The following SYNRG variants were observed in gnomAD, a reference collection of about 807,000 sequenced individuals.
SYNRG encodes the protein AP1 gamma subunit binding protein 1.
In SYNRG, 37 loss-of-function variants were observed where a neutral mutation model predicts 130.9. That is an observed-to-expected ratio of 0.28 (90% CI 0.22 to 0.37). The LOEUF is 0.37. Ranked by LOEUF, SYNRG falls within the 10% of genes least tolerant of loss-of-function variation. The probability of loss-of-function intolerance (pLI) is 1.00; values close to 1 mark genes in which losing one functional copy is unlikely to be tolerated. For synonymous variants in SYNRG, 539 were observed against 568.1 expected (o/e 0.95, Z 0.73); for missense variants, 1,338 against 1,588.9 (o/e 0.84, Z 2.68).
At chr17:37,554,780 A>G (rs1277484035) in intron 13 of SYNRG, among the ~76,000 whole-genome samples, 1 of 152,170 alleles carries the variant, frequency 6.6e-6, no homozygotes, top group Non-Finnish European at 1.5e-5. Context: ...GCTTTTCTAG[A>G]AATCAGCTGT....
chr17:37,529,687 C>T, intron 19 of SYNRG: 1 of 1,184,118 alleles, frequency 8.4e-7, no homozygotes. Flanking sequence ...GGAGCTACCT[C>T]AAGAAGTAAA....
intron 15 of SYNRG, 44 bp from the exon 16 acceptor site, chr17:37,540,587 C>A: frequency 6.3e-7 from 1 of 1,581,520 alleles, no homozygotes; most frequent in Non-Finnish European, 8.6e-7. Context: ...GGCTACTCAC[C>A]TTAGTTCAGG....
chr17:37,555,658 T>C (rs2059064036), intron 13 of SYNRG, among the ~76,000 whole-genome samples: 2 of 152,200 alleles, frequency 1.3e-5, no homozygotes, highest in Admixed American at 6.5e-5. Context: ...CCCAGCACTT[T>C]GGAAGACCAA....
At chr17:37,605,652 TAAC>T (rs2063688691) in intron 1 of SYNRG, among the ~76,000 whole-genome samples, 1 of 152,238 alleles carries the variant, frequency 6.6e-6, no homozygotes, top group African/African-American at 2.4e-5. Context: ...AGACAACTAA[TAAC>T]AACATGCTTA....
intron 14 of SYNRG, among the ~76,000 whole-genome samples, chr17:37,545,586 G>C (rs931345531): frequency 1.3e-5 from 2 of 152,038 alleles, no homozygotes; most frequent in East Asian, 3.9e-4. Context: ...AGGGAATAAG[G>C]GATTGCCTAA....
At chr17:37,595,756 C>CTT (rs950957073) in intron 3 of SYNRG, among the ~76,000 whole-genome samples, 118 of 140,690 alleles carry the variant, frequency 8.4e-4, no homozygotes, top group African/African-American at 2.8e-3. Context: ...TTCCTCTGGC[C>CTT]TTTTTTTTTT....
In SYNRG at chr17:37,554,190, C is replaced by T. The variant is rs145756321; in HGVS notation, c.1664-131G>A. 4.2e-4 allele frequency: 328 copies of T among 775,970 alleles called. No homozygotes were observed. In the African/African-American group the frequency reaches 5.3e-3, roughly 13 times the overall value. 48.1% of individuals were successfully genotyped at this position (775,970 alleles called of 1,614,324 possible). On this transcript the variant is annotated intron_variant, in intron 13 of 21. Coordinates refer to ENST00000612223, the MANE Select transcript of SYNRG (RefSeq NM_007247.6). ...ACTTGACATTACTTAATAATGTTTA[C>T]ATACTTTAAACCCTATCGAACTACA... is the stretch of plus-strand genomic sequence containing the variant.
chr17:37,549,217 C>A (rs1357435596), intron 14 of SYNRG, among the ~76,000 whole-genome samples: 1 of 151,636 alleles, frequency 6.6e-6, no homozygotes, highest in Non-Finnish European at 1.5e-5. Flanking sequence ...AGAATTAAAG[C>A]CTCAAAACAT....
At position 37,540,499 on chromosome 17, in the gene SYNRG, G is replaced by A. The variant is rs376507551; in HGVS notation, c.3247C>T (p.Arg1083Cys). ...SLSLGDKEIS[R>C]SSPSPALEQP... Reference sequence around the variant, plus strand: ...TCCAAAGCTGGAGAAGGAGAAGAACGGCTTATTTCTTTATCACCAAGGCTC... The same window carrying A: ...TCCAAAGCTGGAGAAGGAGAAGAACAGCTTATTTCTTTATCACCAAGGCTC... The change falls in exon 16 of 22, where the codon CGT (arginine) becomes TGT (cysteine). Residue 1083 changes from arginine (R) to cysteine (C), a missense_variant. Transcript: ENST00000612223. 8 of 1,613,916 alleles carry A rather than the reference G, an allele frequency of 5.0e-6. No homozygotes were observed. Among genetic ancestry groups the A allele is most frequent in the Admixed American group, 1.7e-5 (1 of 59,982 alleles).
At chr17:37,605,618 T>A (rs1421066982) in intron 1 of SYNRG, among the ~76,000 whole-genome samples, 2 of 152,206 alleles carry the variant, frequency 1.3e-5, no homozygotes, top group African/African-American at 4.8e-5. Context: ...CTATGAAAAA[T>A]TCATATTTTT....
chr17:37,577,366 C>T lies in SYNRG; in HGVS notation c.823+14G>A, dbSNP rs1277849482. On this transcript the variant is annotated intron_variant, in intron 7 of 21. Transcript: ENST00000612223. ...GGTTAAACAAGTTTTTTGCTGAATG[C>T]TTCACGAGCTCACCACTCTCTTCAA... The T allele has an allele frequency of 6.2e-7, 1 of 1,612,066 alleles. No individual in the cohort carries two copies. Among genetic ancestry groups the T allele is most frequent in the Admixed American group, 1.7e-5 (1 of 59,914 alleles).
intron 14 of SYNRG, among the ~76,000 whole-genome samples, chr17:37,548,843 AC>A (rs1399568024): frequency 1.5e-4 from 21 of 138,748 alleles, no homozygotes; most frequent in African/African-American, 4.4e-4. Flanking sequence ...AAAAAAAAAA[AC>A]ACACAAAAAA....
rs1319491068 is a variant in SYNRG at position 37,561,525 on chromosome 17, C to T, written c.1546G>A (p.Val516Met). ...TTGTCAGCTGCAATTCCTTTAAACA[C>T]AGCATATTTGTCCATTGAAGGCAAT... ...KALPSMDKYA[V>M]FKGIAADKSS... Residue 516 changes from valine (V) to methionine (M), a missense_variant, in exon 12 of 22, where the codon GTG becomes ATG. Val to Met is a conservative substitution (Grantham distance 21). Transcript: ENST00000612223. 7 of 1,613,724 alleles carry T rather than the reference C, an allele frequency of 4.3e-6. No individual in the cohort carries two copies. Among genetic ancestry groups the T allele is most frequent in the Non-Finnish European group, 5.9e-6 (7 of 1,179,802 alleles).
intron 19 of SYNRG, among the ~76,000 whole-genome samples, chr17:37,526,143 AAAG>A (rs1178859809): frequency 1.3e-5 from 2 of 152,274 alleles, no homozygotes; most frequent in African/African-American, 4.8e-5. Context: ...AAAAAAAAAA[AAAG>A]AGTGTCACCT....
chr17:37,579,505 G>A, intron 6 of SYNRG: 3 of 1,130,216 alleles, frequency 2.7e-6, no homozygotes, highest in Non-Finnish European at 3.5e-6. Context: ...TTAAGATGTA[G>A]TACAATTCCA....
intron 14 of SYNRG, among the ~76,000 whole-genome samples, chr17:37,552,316 T>C (rs1326834062): frequency 6.6e-6 from 1 of 152,152 alleles, no homozygotes; most frequent in Non-Finnish European, 1.5e-5. Context: ...ACCAGGACAC[T>C]TGGGAATCTA....
chr17:37,596,193 T>C lies in SYNRG; in HGVS notation c.240+30A>G, dbSNP rs374879193. On this transcript the variant is annotated intron_variant, in intron 3 of 21. Coordinates refer to ENST00000612223, the MANE Select transcript of SYNRG (RefSeq NM_007247.6). ...ATAAACGTAACAACAAACAATAACT[T>C]TGTAAGAAACCAACTAAAGAAGCAA... The C allele has an allele frequency of 7.5e-5, 120 of 1,610,496 alleles. No homozygotes were observed. In the African/African-American group the frequency reaches 1.5e-3, roughly 20 times the overall value.
chr17:37,560,233 A>G (rs1224995713), intron 13 of SYNRG, among the ~76,000 whole-genome samples: 1 of 151,506 alleles, frequency 6.6e-6, no homozygotes, highest in East Asian at 2.0e-4. Flanking sequence ...TAGAAAATAA[A>G]TAATTCTCAA....
At chr17:37,579,477 C>T in intron 6 of SYNRG, 1 of 1,272,676 alleles carries the variant, frequency 7.9e-7, no homozygotes, top group Non-Finnish European at 1.0e-6. Flanking sequence ...AAAATGGAAA[C>T]CAACAGAGAA....
Sources: allele counts gnomAD v4.1 joint callset (sites outside exome capture counted in the v4.1 genomes callset), GRCh38; gene constraint gnomAD v4.1.1; transcripts MANE v1.5; gene names NCBI Gene and HGNC (gene_info 2026-07-23, HGNC 2026-07-21).